Variants in NCF4 observed in about 807,000 individuals in gnomAD.
NCF4 encodes the protein neutrophil cytosolic factor 4.
In NCF4, 30 loss-of-function variants were observed where a neutral mutation model predicts 41.7. The ratio of observed to expected loss-of-function variants is 0.72; its 90% CI spans 0.54 to 0.97. The LOEUF is 0.97. Among genes scored for constraint, NCF4 ranks in the 50% least tolerant of loss-of-function variants. The pLI is 0.00. For missense variants in NCF4, 432 were observed against 460.9 expected (o/e 0.94, Z 0.57); for synonymous variants, 195 against 175.8 (o/e 1.11, Z -0.87).
chr22:36,867,939 C>T (rs1428316618), intron 4 of NCF4, among the ~76,000 whole-genome samples: 1 of 152,342 alleles, frequency 6.6e-6, no homozygotes, highest in South Asian at 2.1e-4. Context: ...TCCTCTGGGA[C>T]AACTCACTCC....
At chr22:36,872,590 GAGGTGAGATTGGAGGTGAGGATGA>G (rs1411520203) in intron 7 of NCF4, among the ~76,000 whole-genome samples, 165 bp downstream of exon 7, 30 of 151,354 alleles carry the variant, frequency 2.0e-4, no homozygotes, top group African/African-American at 6.1e-4. Flanking sequence ...GGTGAGGATG[GAGGTGAGATTGGAGGTGAGGATGA>G]AGGTGAGATT....
intron 4 of NCF4, 60 bp downstream of exon 4, chr22:36,867,522 C>A: frequency 6.4e-7 from 1 of 1,565,148 alleles, no homozygotes; most frequent in Non-Finnish European, 8.8e-7. Context: ...GTGGGGGAGC[C>A]CACGTACCAT....
intron 4 of NCF4, among the ~76,000 whole-genome samples, chr22:36,869,077 T>G (rs188078015): frequency 1.8e-3 from 269 of 152,348 alleles, no homozygotes; most frequent in African/African-American, 2.6e-3. Flanking sequence ...ACACGTTTAT[T>G]GATAAATGAA....
intron 4 of NCF4, among the ~76,000 whole-genome samples, chr22:36,869,130 A>G (rs2284028): frequency 6.6e-6 from 1 of 152,148 alleles, no homozygotes; most frequent in African/African-American, 2.4e-5. Flanking sequence ...GTTAAGTGTG[A>G]CAGAGCAGTT....
Position 36,875,731 on chromosome 22 carries a change from CCCA to C in NCF4, c.710_712del (p.Thr237del). 6.2e-7 allele frequency: 1 copy of C among 1,613,968 alleles called. No individual in the cohort carries two copies. The highest frequency in any genetic ancestry group is 8.5e-7 in the Non-Finnish European group (1 of 1,180,030). Reference sequence around the variant, plus strand: ...CAAAGACTTCCCTGAGGAGGACGACCCCACCAACTGGCTGCGTTGCTACTACTA... The same window carrying C: ...CAAAGACTTCCCTGAGGAGGACGACCCCAACTGGCTGCGTTGCTACTACTA... On this transcript the variant is annotated inframe_deletion, in exon 8 of 10. Coordinates refer to ENST00000248899, the MANE Select transcript of NCF4 (RefSeq NM_000631.5).
intron 8 of NCF4, 85 bp downstream of exon 8, chr22:36,875,868 C>T (rs1344589085): frequency 6.2e-7 from 1 of 1,614,086 alleles, no homozygotes; most frequent in Admixed American, 1.7e-5. Context: ...CTCATGGGTC[C>T]CTCTCCCACT....
chr22:36,871,722 C>T lies in NCF4; in HGVS notation c.528+13C>T. 1 of 1,555,758 alleles carries T rather than the reference C, an allele frequency of 6.4e-7. No homozygotes were observed. Among genetic ancestry groups the T allele is most frequent in the Non-Finnish European group, 8.7e-7 (1 of 1,149,116 alleles). ...TCCGAGAGCAGAGGTAACCCCCGCC[C>T]CCACGCTGGCCAGGCTCTCACACTG... On this transcript the variant is annotated intron_variant, in intron 6 of 9. Coordinates refer to ENST00000248899, the MANE Select transcript of NCF4 (RefSeq NM_000631.5).
chr22:36,867,427 G>C lies in NCF4; in HGVS notation c.307G>C (p.Glu103Gln). Reference sequence around the variant, plus strand: ...CGTGGGTGTGAAACAGGAGATCGCCGAGATGCGGATACCTGCCCTCAACGC... The same window carrying C: ...CGTGGGTGTGAAACAGGAGATCGCCCAGATGCGGATACCTGCCCTCAACGC... ...VYVGVKQEIAEMRIPALNAYM... is the reference protein window; with the variant it reads ...VYVGVKQEIAQMRIPALNAYM... The change falls in exon 4 of 10, where the codon GAG (glutamate) becomes CAG (glutamine). Residue 103 changes from glutamate (E) to glutamine (Q), a missense_variant. Transcript: ENST00000248899. 1 of 1,614,202 alleles carries C rather than the reference G, an allele frequency of 6.2e-7. No homozygotes were observed.
intron 9 of NCF4, among the ~76,000 whole-genome samples, chr22:36,876,410 C>G (rs2145728162): frequency 6.6e-6 from 1 of 152,292 alleles, no homozygotes; most frequent in Non-Finnish European, 1.5e-5. Context: ...CACTACCCCC[C>G]CAGGTCCAGG....
chr22:36,870,361 T>C (rs1471324177), intron 4 of NCF4, 54 bp from the exon 5 acceptor site: 26 of 1,611,314 alleles, frequency 1.6e-5, no homozygotes, highest in East Asian at 6.7e-5. Flanking sequence ...TAGGCTGGGG[T>C]GTCCAGATCT....
At chr22:36,863,469 G>C (rs540743727) in intron 1 of NCF4, among the ~76,000 whole-genome samples, 1 of 149,964 alleles carries the variant, frequency 6.7e-6, no homozygotes, top group East Asian at 2.0e-4. Context: ...CACCACCCCA[G>C]GGAAAACTCG....
At chr22:36,867,267 A>C in intron 3 of NCF4, 125 bp from the exon 4 acceptor site, 1 of 960,776 alleles carries the variant, frequency 1.0e-6, no homozygotes, top group Non-Finnish European at 1.6e-6. Context: ...GTGAAAAGAT[A>C]ACAGGGAAGA....
chr22:36,877,031 CTG>C (rs1940208038), intron 9 of NCF4, among the ~76,000 whole-genome samples: 1 of 113,940 alleles, frequency 8.8e-6, no homozygotes. Flanking sequence ...CAGCCCCACT[CTG>C]TGCCCAGTCA....
At chr22:36,866,054 G>A (rs541842461) in intron 3 of NCF4, among the ~76,000 whole-genome samples, 52 of 151,976 alleles carry the variant, frequency 3.4e-4, no homozygotes, top group African/African-American at 1.2e-3. Context: ...TCTGCTAAGC[G>A]TCTCCACAGC....
intron 4 of NCF4, among the ~76,000 whole-genome samples, chr22:36,868,286 C>T (rs942089466): frequency 1.3e-5 from 2 of 152,258 alleles, no homozygotes; most frequent in Non-Finnish European, 2.9e-5. Context: ...TTGACTCTGA[C>T]ACTGACTGGC....
rs1237094886 is a variant in NCF4, at chr22:36,877,913, G to C, written c.*90G>C. The C allele has an allele frequency of 2.2e-6, 3 of 1,338,026 alleles. No individual in the cohort carries two copies. Among genetic ancestry groups the C allele is most frequent in the African/African-American group, 2.9e-5 (2 of 68,230 alleles). 82.9% of individuals were successfully genotyped at this position (1,338,026 alleles called of 1,614,324 possible). Reference sequence around the variant, plus strand: ...GGGACCAGGAAAACCTGGGAGGATGGGCAGACTTCCTGTCTTTGAGGCTAA... The same window carrying C: ...GGGACCAGGAAAACCTGGGAGGATGCGCAGACTTCCTGTCTTTGAGGCTAA... On this transcript the variant is annotated 3_prime_UTR_variant, in exon 10 of 10. Transcript: ENST00000248899.
intron 7 of NCF4, among the ~76,000 whole-genome samples, chr22:36,872,632 AGGGTGG>A (rs1940090379): frequency 2.9e-5 from 1 of 33,972 alleles, no homozygotes; most frequent in Non-Finnish European, 9.6e-5. Context: ...ATTGGAGGTG[AGGGTGG>A]AGGTAAGAGT....
intron 4 of NCF4, among the ~76,000 whole-genome samples, chr22:36,868,655 G>A (rs1398706828): frequency 6.6e-6 from 1 of 151,830 alleles, no homozygotes; most frequent in Non-Finnish European, 1.5e-5. Flanking sequence ...AGGGGAGTGG[G>A]CTGTGAAGGG....
At chr22:36,872,493 A>G in intron 7 of NCF4, 68 bp downstream of exon 7, 1 of 1,351,668 alleles carries the variant, frequency 7.4e-7, no homozygotes, top group Non-Finnish European at 1.0e-6. Context: ...AAGTGAAGAT[A>G]GAGGTGAGGG....
Sources: allele counts gnomAD v4.1 joint callset (sites outside exome capture counted in the v4.1 genomes callset), GRCh38; gene constraint gnomAD v4.1.1; transcripts MANE v1.5; gene names NCBI Gene and HGNC (gene_info 2026-07-23, HGNC 2026-07-21).